The following XYLT1 variants were observed in gnomAD, a reference collection of about 807,000 sequenced individuals.
XYLT1 encodes beta-D-xylosyltransferase 1.
XYLT1 carries 36 observed loss-of-function variants against 91.3 expected under a neutral mutation model. That is an observed-to-expected ratio of 0.39 (90% CI 0.30 to 0.52). The LOEUF (loss-of-function observed/expected upper bound fraction) is 0.52, where lower values mean the gene tolerates loss of function less well. Ranked by LOEUF, XYLT1 falls within the 20% of genes least tolerant of loss-of-function variation. The probability of loss-of-function intolerance (pLI) is 0.68; values close to 1 mark genes in which losing one functional copy is unlikely to be tolerated. For synonymous variants in XYLT1, 588 were observed against 532.0 expected, an observed-to-expected ratio of 1.11 and a Z score of -1.45; for missense variants, 1,242 against 1,284.5, an observed-to-expected ratio of 0.97 and a Z score of 0.51.
intron 1 of XYLT1, among the ~76,000 whole-genome samples, chr16:17,417,450 C>T (rs2036193508): frequency 6.6e-6 from 1 of 152,058 alleles, no homozygotes; most frequent in Non-Finnish European, 1.5e-5. Context: ...CTCTGACCTC[C>T]CTTCTTCACC....
At chr16:17,242,367 T>A (rs1192493156) in intron 3 of XYLT1, among the ~76,000 whole-genome samples, 1 of 152,208 alleles carries the variant, frequency 6.6e-6, no homozygotes, top group Non-Finnish European at 1.5e-5. Context: ...TTATCTAGCC[T>A]TTTACAGAAA....
At chr16:17,459,540 C>T (rs74365566) in intron 1 of XYLT1, among the ~76,000 whole-genome samples, 2 of 152,242 alleles carry the variant, frequency 1.3e-5, no homozygotes, top group East Asian at 3.9e-4. Context: ...TCGTTTAGGA[C>T]TACTATGGCA....
intron 6 of XYLT1, among the ~76,000 whole-genome samples, chr16:17,149,446 A>G (rs1246109425): frequency 6.6e-6 from 1 of 152,178 alleles, no homozygotes; most frequent in Non-Finnish European, 1.5e-5. Context: ...AATGCCTAGA[A>G]AAAATAAAAT....
chr16:17,344,856 AC>A (rs985002561), intron 2 of XYLT1, among the ~76,000 whole-genome samples: 1 of 151,694 alleles, frequency 6.6e-6, no homozygotes, highest in African/African-American at 2.4e-5. Flanking sequence ...ATGCGCCACC[AC>A]GCTTGGCTAA....
At chr16:17,111,645 A>G (rs924875975) in intron 11 of XYLT1, among the ~76,000 whole-genome samples, 3 of 152,236 alleles carry the variant, frequency 2.0e-5, no homozygotes, top group Admixed American at 2.0e-4. Context: ...TTCTAAAAGC[A>G]GTGAGAATAG....
chr16:17,310,669 C>T (rs749317454), intron 2 of XYLT1, among the ~76,000 whole-genome samples: 7 of 151,932 alleles, frequency 4.6e-5, no homozygotes, highest in Admixed American at 3.3e-4. Context: ...GCTAACATGG[C>T]GAAACCCCAT....
At chr16:17,121,581 T>C (rs922218610) in intron 10 of XYLT1, among the ~76,000 whole-genome samples, 45 of 152,238 alleles carry the variant, frequency 3.0e-4, no homozygotes, top group Non-Finnish European at 1.3e-4. Flanking sequence ...TTATAATGTG[T>C]ATGTATATGT....
chr16:17,372,132 A>C (rs923160255), intron 1 of XYLT1, among the ~76,000 whole-genome samples: 2 of 152,244 alleles, frequency 1.3e-5, no homozygotes, highest in African/African-American at 4.8e-5. Context: ...AAAGAATAAC[A>C]GGAAAAACAT....
At chr16:17,402,733 TTTTTC>T (rs2035985450) in intron 1 of XYLT1, among the ~76,000 whole-genome samples, 1 of 147,694 alleles carries the variant, frequency 6.8e-6, no homozygotes, top group Admixed American at 6.7e-5. Flanking sequence ...TATATCCTTT[TTTTTC>T]TTTTCTTTTT....
chr16:17,200,953 G>C (rs1406319047), intron 3 of XYLT1, among the ~76,000 whole-genome samples: 3 of 152,198 alleles, frequency 2.0e-5, no homozygotes, highest in Non-Finnish European at 4.4e-5. Flanking sequence ...GAGGAGGTGA[G>C]AGCTATAAGA....
intron 10 of XYLT1, among the ~76,000 whole-genome samples, chr16:17,126,317 C>G (rs2030258929): frequency 6.6e-6 from 1 of 152,292 alleles, no homozygotes; most frequent in Non-Finnish European, 1.5e-5. Flanking sequence ...ACCAGGCATT[C>G]ATCTCTTTAA....
chr16:17,297,975 C>G (rs1019307740), intron 2 of XYLT1, among the ~76,000 whole-genome samples: 1 of 151,286 alleles, frequency 6.6e-6, no homozygotes, highest in Admixed American at 6.6e-5. Context: ...GAGCCGAGAT[C>G]GCGCCACTGC....
chr16:17,217,731 G>A (rs1397976286), intron 3 of XYLT1, among the ~76,000 whole-genome samples: 2 of 152,222 alleles, frequency 1.3e-5, no homozygotes, highest in African/African-American at 4.8e-5. Context: ...TACAAAAGGT[G>A]TTGGATGCAA....
chr16:17,133,915 A>G (rs976277878), intron 9 of XYLT1, among the ~76,000 whole-genome samples: 1 of 151,926 alleles, frequency 6.6e-6, no homozygotes, highest in East Asian at 1.9e-4. Flanking sequence ...ATTATGGTGA[A>G]TGTTTTTAAA....
In XYLT1 at chr16:17,106,395, C is replaced by G. The variant is rs1966775019; in HGVS notation, c.*2300G>C. On this transcript the variant is annotated 3_prime_UTR_variant, in exon 12 of 12. Transcript: ENST00000261381. ...GGATGTGGCACCCAGCGCGTGGCCACCATAGAGTCTGTAAAAGAGATCATA... is the reference window on the plus strand; with the variant it reads ...GGATGTGGCACCCAGCGCGTGGCCAGCATAGAGTCTGTAAAAGAGATCATA... The G allele has an allele frequency of 6.6e-6, 1 of 152,166 alleles. No individual in the cohort carries two copies. The highest frequency in any genetic ancestry group is 1.5e-5 in the Non-Finnish European group (1 of 68,066). The allele number at this position is 152,166 out of a possible 1,614,324, so 9.4% of individuals were successfully genotyped here. A position where few individuals can be genotyped will look rare whatever the true frequency, so the allele number is the denominator to read the frequency against.
chr16:17,109,447 C>T (rs1966824092), intron 11 of XYLT1, among the ~76,000 whole-genome samples: 1 of 151,942 alleles, frequency 6.6e-6, no homozygotes, highest in Non-Finnish European at 1.5e-5. Context: ...TGGAGCAAAC[C>T]AGATAGGAAG....
chr16:17,292,401 AT>A, intron 2 of XYLT1, among the ~76,000 whole-genome samples: 1 of 152,124 alleles, frequency 6.6e-6, no homozygotes, highest in South Asian at 2.1e-4. Flanking sequence ...TCCCATCTCT[AT>A]TTTTTTCGTG....
intron 5 of XYLT1, among the ~76,000 whole-genome samples, chr16:17,186,741 T>C (rs1455193436): frequency 6.6e-6 from 1 of 152,044 alleles, no homozygotes; most frequent in African/African-American, 2.4e-5. Context: ...GCATGACGGG[T>C]GCTCAGGAAA....
At chr16:17,376,351 G>C (rs1022214295) in intron 1 of XYLT1, among the ~76,000 whole-genome samples, 1 of 152,158 alleles carries the variant, frequency 6.6e-6, no homozygotes, top group Non-Finnish European at 1.5e-5. Flanking sequence ...CAACCTAAGA[G>C]GACAGAGGTA....
Sources: gnomAD v4.1 joint callset for allele counts (sites outside exome capture counted in the v4.1 genomes callset) on GRCh38, gnomAD v4.1.1 for gene constraint, MANE v1.5 for transcripts, NCBI Gene and HGNC (gene_info 2026-07-23, HGNC 2026-07-21) for gene names.